Variants in CHD1L observed in about 807,000 individuals in gnomAD.
CHD1L encodes ATP-dependent chromatin remodeler CHD1L.
A neutral mutation model predicts 115.9 loss-of-function variants in CHD1L; 118 were observed. That is an observed-to-expected ratio of 1.02 (90% CI 0.88 to 1.19). The LOEUF (loss-of-function observed/expected upper bound fraction) is 1.19. CHD1L is among the 50% of genes most tolerant of loss of function. The probability of loss-of-function intolerance (pLI) is 0.00; values close to 1 mark genes in which losing one functional copy is unlikely to be tolerated. For missense variants in CHD1L, 1,179 were observed against 1,065.3 expected, an observed-to-expected ratio of 1.11 and a Z score of -1.49; for synonymous variants, 411 against 387.1, an observed-to-expected ratio of 1.06 and a Z score of -0.72.
chr1:147,227,976 G>C, the CHD1L span, among the ~76,000 whole-genome samples: 3 of 149,470 alleles, frequency 2.0e-5, no homozygotes, highest in African/African-American at 4.9e-5. Flanking sequence ...CAAGTGGTGC[G>C]ATCTTGGCTC....
At chr1:147,264,140 C>A (rs1672988528) in intron 6 of CHD1L, among the ~76,000 whole-genome samples, 1 of 152,158 alleles carries the variant, frequency 6.6e-6, no homozygotes, top group Non-Finnish European at 1.5e-5. Context: ...ATATTAAATT[C>A]TCATGCAATA....
Position 147,285,404 on chromosome 1 carries a change from GAA to G in CHD1L, c.1938_1939del (p.Arg647ThrfsTer22). ...CAGAAGAGCTGGAGGACAGACAGAAGAAAAGACAAGAAGCAGCTGCCAAGAGA... is the reference window on the plus strand; with the variant it reads ...CAGAAGAGCTGGAGGACAGACAGAAGAAGACAAGAAGCAGCTGCCAAGAGA... The part of the protein sequence containing the change: ...SPEELEDRQK[K>X]RQEAAAKRRR... On this transcript the variant is annotated frameshift_variant, in exon 17 of 23. Coordinates refer to ENST00000369258, the MANE Select transcript of CHD1L (RefSeq NM_004284.6). LOFTEE classifies it high-confidence loss of function. The G allele has an allele frequency of 1.2e-6, 2 of 1,613,956 alleles. No individual in the cohort carries two copies. Among genetic ancestry groups the G allele is most frequent in the Non-Finnish European group, 8.5e-7 (1 of 1,179,982 alleles).
chr1:147,198,238 C>T, the CHD1L span, among the ~76,000 whole-genome samples: 1 of 152,110 alleles, frequency 6.6e-6, no homozygotes, highest in South Asian at 2.1e-4. Flanking sequence ...TAATTTACCT[C>T]AAGGCTAAAC....
chr1:147,195,146 A>G, the CHD1L span, among the ~76,000 whole-genome samples: 5 of 152,120 alleles, frequency 3.3e-5, no homozygotes, highest in African/African-American at 4.8e-5. Context: ...CAGGTTCACC[A>G]ATCCGACGTA....
chr1:147,197,738 T>C, the CHD1L span, among the ~76,000 whole-genome samples: 1 of 152,174 alleles, frequency 6.6e-6, no homozygotes, highest in Non-Finnish European at 1.5e-5. Context: ...TAGAAACTAC[T>C]CAGCCTCAGG....
chr1:147,284,584 T>A, intron 16 of CHD1L, 85 bp downstream of exon 16: 1 of 1,234,326 alleles, frequency 8.1e-7, no homozygotes, highest in Non-Finnish European at 1.1e-6. Flanking sequence ...CATCGTTTTG[T>A]TCTCTTAGGA....
At chr1:147,263,120 C>T (rs1307262056) in intron 6 of CHD1L, among the ~76,000 whole-genome samples, 3 of 151,946 alleles carry the variant, frequency 2.0e-5, no homozygotes, top group Admixed American at 2.0e-4. Context: ...TATACGTTTA[C>T]ATACTATGTT....
the CHD1L span, among the ~76,000 whole-genome samples, chr1:147,192,088 A>G: frequency 1.3e-5 from 2 of 152,088 alleles, no homozygotes; most frequent in Non-Finnish European, 2.9e-5. Flanking sequence ...TTTAATCTAT[A>G]AATTACCTTG....
rs782203001 is a variant in CHD1L at position 147,254,947 on chromosome 1, T to C, written c.318T>C (p.Val106=). 5.6e-6 allele frequency: 9 copies of C among 1,606,552 alleles called. No individual in the cohort carries two copies. The East Asian group carries it at 2.0e-4, about 36-fold the overall frequency. ...TTCTGATTCTTTGTCCCTTGTCTGT[T>C]TTGAGCAACTGGAAAGAAGAAATGC... ...GPFLILCPLS[V]LSNWKEEMQR... The change falls in exon 3 of 23, where the codon GTT becomes GTC. Residue 106 remains valine, a synonymous_variant. Coordinates refer to ENST00000369258, the MANE Select transcript of CHD1L (RefSeq NM_004284.6).
At chr1:147,175,569 C>G in the CHD1L span, 1 of 152,146 alleles carries the variant, frequency 6.6e-6, no homozygotes, top group Non-Finnish European at 1.5e-5. Flanking sequence ...TTCATTCACA[C>G]ACACTCACTG....
chr1:147,188,154 C>A, the CHD1L span, among the ~76,000 whole-genome samples: 4 of 152,014 alleles, frequency 2.6e-5, no homozygotes, highest in Admixed American at 2.6e-4. Flanking sequence ...GAGAGCTTTC[C>A]CTTATGAACA....
At chr1:147,278,276 G>C (rs1414817885) in intron 14 of CHD1L, among the ~76,000 whole-genome samples, 13 of 133,972 alleles carry the variant, frequency 9.7e-5, no homozygotes, top group African/African-American at 2.9e-4. Context: ...CCAGGCTGGA[G>C]TGCAGTGGCG....
At chr1:147,224,539 T>C in the CHD1L span, among the ~76,000 whole-genome samples, 4 of 152,096 alleles carry the variant, frequency 2.6e-5, no homozygotes, top group African/African-American at 9.7e-5. Flanking sequence ...AGACGGAGTC[T>C]TGCTCTGTCA....
At chr1:147,208,974 G>A in the CHD1L span, 1 of 1,614,022 alleles carries the variant, frequency 6.2e-7, no homozygotes, top group Non-Finnish European at 8.5e-7. Flanking sequence ...GTCGAGAAGA[G>A]AACAACACAT....
chr1:147,256,658 C>T, intron 5 of CHD1L, 96 bp downstream of exon 5: 2 of 1,193,286 alleles, frequency 1.7e-6, no homozygotes, highest in South Asian at 1.3e-5. Context: ...CCTGGCATGT[C>T]TGGTATGTCT....
intron 20 of CHD1L, among the ~76,000 whole-genome samples, chr1:147,293,406 A>G (rs587718047): frequency 3.6e-4 from 55 of 152,320 alleles, no homozygotes; most frequent in African/African-American, 9.6e-4. Flanking sequence ...AAAACCCTGT[A>G]TAAAGTGACC....
intron 6 of CHD1L, among the ~76,000 whole-genome samples, chr1:147,263,267 G>A (rs1383939797): frequency 3.3e-5 from 5 of 151,846 alleles, no homozygotes; most frequent in Admixed American, 2.0e-4. Context: ...GTCGCTATAA[G>A]AAAATTTAAG....
At chr1:147,256,962 G>C (rs1285107391) in intron 5 of CHD1L, among the ~76,000 whole-genome samples, 1 of 152,200 alleles carries the variant, frequency 6.6e-6, no homozygotes, top group Non-Finnish European at 1.5e-5. Context: ...AGAACCATTT[G>C]AGCTGTTTGC....
At chr1:147,275,287 C>T (rs1677915932) in intron 12 of CHD1L, 67 bp from the exon 13 acceptor site, 12 of 1,196,354 alleles carry the variant, frequency 1.0e-5, no homozygotes, top group South Asian at 3.7e-5. Flanking sequence ...CCACTCTAGC[C>T]TTGTGCTTAT....
Sources: gnomAD v4.1 joint callset for allele counts (sites outside exome capture counted in the v4.1 genomes callset) on GRCh38, gnomAD v4.1.1 for gene constraint, MANE v1.5 for transcripts, NCBI Gene and HGNC (gene_info 2026-07-23, HGNC 2026-07-21) for gene names.